CNTFR: variants seen among roughly 807,000 people sequenced by gnomAD.
CNTFR encodes ciliary neurotrophic factor receptor subunit alpha.
A neutral mutation model predicts 40.4 loss-of-function variants in CNTFR; 12 were observed. The observed-to-expected ratio is 0.30, with a 90% CI of 0.19 to 0.48. The LOEUF is 0.48. CNTFR is among the 20% of genes least tolerant of loss of function. The pLI is 0.99. For missense variants in CNTFR, 414 were observed against 506.8 expected (o/e 0.82, Z 1.76); for synonymous variants, 202 against 209.6 (o/e 0.96, Z 0.31).
intron 4 of CNTFR, among the ~76,000 whole-genome samples, chr9:34,562,023 GA>G (rs1280745670): frequency 6.6e-6 from 1 of 152,126 alleles, no homozygotes. Context: ...ATAGACTATG[GA>G]CATTACTTCA....
chr9:34,564,830 C>A lies in CNTFR; in HGVS notation c.88G>T (p.Ala30Ser). ...VYAQRHSPQE[A>S]PHVQYERLGS... The stretch of plus-strand genomic sequence containing the variant: ...AGGCGCTCGTACTGCACATGGGGTG[C>A]CTCTGTGGGGGGTGGGGGCACAGGG... Residue 30 changes from alanine (A) to serine (S), a missense_variant and splice_region_variant, in exon 4 of 10, where the codon GCA (alanine) becomes TCA (serine). Around this residue, in one of 3 missense-constraint regions of CNTFR, gnomAD observed 250 missense variants for 269.5 expected, o/e 0.93. Coordinates refer to ENST00000378980, the MANE Select transcript of CNTFR (RefSeq NM_147164.3). The A allele has an allele frequency of 6.2e-7, 1 of 1,612,592 alleles. No individual in the cohort carries two copies. Among genetic ancestry groups the A allele is most frequent in the South Asian group, 1.1e-5 (1 of 91,014 alleles).
chr9:34,571,094 A>C (rs542785963), intron 2 of CNTFR, among the ~76,000 whole-genome samples: 1 of 151,976 alleles, frequency 6.6e-6, no homozygotes, highest in South Asian at 2.1e-4. Context: ...GCTCCTTCTG[A>C]CCCTCAGCCC....
chr9:34,556,151 A>T, intron 7 of CNTFR, 104 bp downstream of exon 7: 1 of 1,276,506 alleles, frequency 7.8e-7, no homozygotes, highest in Non-Finnish European at 1.1e-6. Context: ...AGCCTGATGC[A>T]TCAGGTCTCA....
chr9:34,586,675 A>C (rs896513746), intron 1 of CNTFR, among the ~76,000 whole-genome samples: 1 of 152,190 alleles, frequency 6.6e-6, no homozygotes. Context: ...CTAAAGGTTC[A>C]CATTACTCCT....
At chr9:34,569,778 T>G (rs1256962873) in intron 2 of CNTFR, 1 of 152,242 alleles carries the variant, frequency 6.6e-6, no homozygotes, top group Non-Finnish European at 1.5e-5. Context: ...CGGCCCACCC[T>G]TGACCCCAGC....
At chr9:34,575,910 C>G (rs963581698) in intron 2 of CNTFR, among the ~76,000 whole-genome samples, 2 of 152,136 alleles carry the variant, frequency 1.3e-5, no homozygotes, top group Non-Finnish European at 2.9e-5. Context: ...CAAGACCGAG[C>G]CATCCTTCCT....
At chr9:34,560,337 G>A (rs1418097112) in intron 4 of CNTFR, among the ~76,000 whole-genome samples, 1 of 152,214 alleles carries the variant, frequency 6.6e-6, no homozygotes, top group African/African-American at 2.4e-5. Context: ...GAGACTCTGG[G>A]CAGTTGTGTA....
At chr9:34,565,232 G>A (rs1159770898) in intron 3 of CNTFR, among the ~76,000 whole-genome samples, 3 of 151,930 alleles carry the variant, frequency 2.0e-5, no homozygotes, top group African/African-American at 4.8e-5. Flanking sequence ...CCACCCACAG[G>A]CCCAGCCCAG....
At chr9:34,553,198 G>A (rs1825706989) in intron 7 of CNTFR, among the ~76,000 whole-genome samples, 1 of 152,088 alleles carries the variant, frequency 6.6e-6, no homozygotes, top group Non-Finnish European at 1.5e-5. Context: ...GCTGAATCCC[G>A]ACCACAGTCC....
chr9:34,559,832 C>T (rs1297420326), intron 4 of CNTFR, among the ~76,000 whole-genome samples: 1 of 152,190 alleles, frequency 6.6e-6, no homozygotes, highest in East Asian at 1.9e-4. Flanking sequence ...GCAGAGCGGG[C>T]CACGGCACTG....
intron 2 of CNTFR, among the ~76,000 whole-genome samples, chr9:34,572,456 C>T (rs1826709809): frequency 6.6e-6 from 1 of 152,164 alleles, no homozygotes. Context: ...CAGGATTCCT[C>T]TCAGCCCCTC....
chr9:34,557,779 G>C lies in CNTFR; in HGVS notation c.438-87C>G. ...GAGGAAAGGTCAAGCCCAAGGCAGGGCTGGGGTATGGACAGAGGGCATGGT... is the reference window on the plus strand; with the variant it reads ...GAGGAAAGGTCAAGCCCAAGGCAGGCCTGGGGTATGGACAGAGGGCATGGT... On this transcript the variant is annotated intron_variant, in intron 5 of 9. Transcript: ENST00000378980. The surrounding 1 kb of genome is among the most constrained non-coding windows in gnomAD (Gnocchi z 4.2). The C allele has an allele frequency of 6.3e-7, 1 of 1,577,234 alleles. No homozygotes were observed. Among genetic ancestry groups the C allele is most frequent in the Non-Finnish European group, 8.7e-7 (1 of 1,151,172 alleles).
At chr9:34,572,157 C>T in intron 2 of CNTFR, among the ~76,000 whole-genome samples, 1 of 151,614 alleles carries the variant, frequency 6.6e-6, no homozygotes, top group East Asian at 1.9e-4. Flanking sequence ...AACCCCATCT[C>T]TGCCCCTGCC....
rs193287854 is a variant in CNTFR, at chr9:34,568,885, G to A, written c.85+12C>T. 20 of 1,576,636 alleles carry A rather than the reference G, an allele frequency of 1.3e-5. No individual in the cohort carries two copies. Among genetic ancestry groups the A allele is most frequent in the African/African-American group, 2.7e-5 (2 of 73,976 alleles). On this transcript the variant is annotated intron_variant, in intron 3 of 9. Transcript: ENST00000378980. ...AGAGGGGGGTCAGCAGGCGGCTCCC[G>A]TGAGCACTCACCCTGTGGACTGTGT...
At chr9:34,585,005 C>T (rs1353531762) in intron 1 of CNTFR, among the ~76,000 whole-genome samples, 1 of 152,222 alleles carries the variant, frequency 6.6e-6, no homozygotes, top group African/African-American at 2.4e-5. Flanking sequence ...TCCCTCTCCT[C>T]ATGATCTGTC....
intron 2 of CNTFR, among the ~76,000 whole-genome samples, chr9:34,573,556 C>A (rs1175997341): frequency 4.6e-5 from 7 of 152,194 alleles, no homozygotes; most frequent in Admixed American, 4.6e-4. Context: ...ATGGACTCCC[C>A]CCATTGCCAG....
Position 34,551,668 on chromosome 9 carries a change from T to G in CNTFR, c.*403A>C. On this transcript the variant is annotated 3_prime_UTR_variant, in exon 10 of 10. Coordinates refer to ENST00000378980, the MANE Select transcript of CNTFR (RefSeq NM_147164.3). ...GGGGGATGGCTGGGCCCCCCCAGCA[T>G]CAGGAGCTTATAATCTGATGGTGGC... is the stretch of plus-strand genomic sequence containing the variant. 2.9e-6 allele frequency: 1 copy of G among 347,904 alleles called. No individual in the cohort carries two copies. Among genetic ancestry groups the G allele is most frequent in the Non-Finnish European group, 5.4e-6 (1 of 184,942 alleles). The allele number at this position is 347,904 out of a possible 1,614,324, so 21.6% of individuals were successfully genotyped here.
intron 3 of CNTFR, among the ~76,000 whole-genome samples, chr9:34,565,395 GTC>G (rs1179864047): frequency 2.0e-5 from 3 of 150,936 alleles, no homozygotes; most frequent in African/African-American, 7.3e-5. Context: ...CTCTCTTCCT[GTC>G]TCTCTCCCTT....
chr9:34,588,290 C>G (rs1827624502), intron 1 of CNTFR, among the ~76,000 whole-genome samples: 1 of 152,192 alleles, frequency 6.6e-6, no homozygotes, highest in Non-Finnish European at 1.5e-5. Context: ...CCCTGGGAAT[C>G]TGCAATGGTT....
Sources: gnomAD v4.1 joint callset for allele counts (sites outside exome capture counted in the v4.1 genomes callset) on GRCh38, gnomAD v4.1.1 for gene constraint, gnomAD v4.1.1 regional missense constraint, Gnocchi (gnomAD v3.1) non-coding constraint, MANE v1.5 for transcripts, NCBI Gene and HGNC (gene_info 2026-07-23, HGNC 2026-07-21) for gene names.